PPFIBP1: variants seen among roughly 807,000 people sequenced by gnomAD.
PPFIBP1 encodes the protein PPFIB scaffold protein 1, also known as liprin-beta-1.
A neutral mutation model predicts 137.8 loss-of-function variants in PPFIBP1; 112 were observed. That is an observed-to-expected ratio of 0.81 (90% confidence interval 0.70 to 0.95). The LOEUF (loss-of-function observed/expected upper bound fraction) is 0.95. Ranked by LOEUF, PPFIBP1 falls within the 40% of genes least tolerant of loss-of-function variation. The pLI, the probability that PPFIBP1 is intolerant of heterozygous loss-of-function variation, is 0.00. For missense variants in PPFIBP1, 1,083 were observed against 1,196.6 expected, an observed-to-expected ratio of 0.91 and a Z score of 1.40; for synonymous variants, 378 against 417.3, an observed-to-expected ratio of 0.91 and a Z score of 1.15.
At chr12:27,628,420 C>G (rs1166804487) in intron 2 of PPFIBP1, among the ~76,000 whole-genome samples, 1 of 152,172 alleles carries the variant, frequency 6.6e-6, no homozygotes, top group African/African-American at 2.4e-5. Flanking sequence ...CTCTAGCGAC[C>G]CTCCTGCCTT....
intron 1 of PPFIBP1, among the ~76,000 whole-genome samples, chr12:27,569,873 T>C (rs2049995896): frequency 6.6e-6 from 1 of 152,178 alleles, no homozygotes; most frequent in Admixed American, 6.5e-5. Context: ...TTTTATACAG[T>C]TTCCAAGTTT....
In PPFIBP1 at chr12:27,625,648, A is replaced by G. The variant is rs551248030; in HGVS notation, c.-35-7714A>G. Among the ~76,000 whole-genome samples, 53 of 150,786 alleles carry G rather than the reference A, an allele frequency of 3.5e-4. No homozygotes were observed. In the South Asian group the frequency reaches 0.01, roughly 30 times the overall value. ...CAGGTTGGAGTGCAGTGGCACTCCA[A>G]TCTCAGCCCACTGCAATCTCAGCCT... On this transcript the variant is annotated intron_variant, in intron 2 of 29. Coordinates refer to ENST00000228425, the MANE Select transcript of PPFIBP1 (RefSeq NM_003622.4).
intron 2 of PPFIBP1, among the ~76,000 whole-genome samples, chr12:27,614,001 A>G (rs1180136425): frequency 1.3e-5 from 2 of 152,126 alleles, no homozygotes; most frequent in African/African-American, 4.8e-5. Context: ...TCTAGGACTA[A>G]TCTCTCTTCC....
intron 2 of PPFIBP1, among the ~76,000 whole-genome samples, chr12:27,597,069 GT>G (rs2053398987): frequency 6.6e-6 from 1 of 152,208 alleles, no homozygotes; most frequent in African/African-American, 2.4e-5. Context: ...GGAACCGCAT[GT>G]TCTAAAAGTA....
chr12:27,624,075 G>T (rs1455507632), intron 2 of PPFIBP1, among the ~76,000 whole-genome samples: 1 of 152,114 alleles, frequency 6.6e-6, no homozygotes, highest in Non-Finnish European at 1.5e-5. Context: ...CCAGGACAAA[G>T]AAGAGGGTCC....
chr12:27,617,788 T>C (rs888532402), intron 2 of PPFIBP1, among the ~76,000 whole-genome samples: 1 of 152,216 alleles, frequency 6.6e-6, no homozygotes, highest in Non-Finnish European at 1.5e-5. Flanking sequence ...TGACTATATA[T>C]ATGTATGTAT....
At chr12:27,648,249 G>A (rs1286261431) in intron 6 of PPFIBP1, among the ~76,000 whole-genome samples, 1 of 152,102 alleles carries the variant, frequency 6.6e-6, no homozygotes, top group Non-Finnish European at 1.5e-5. Context: ...ATGAAAAGGT[G>A]CTCAACATCA....
At position 27,693,044 on chromosome 12, in the gene PPFIBP1, T is replaced by C. The variant is rs1188450284; in HGVS notation, c.*162T>C. On this transcript the variant is annotated 3_prime_UTR_variant, in exon 30 of 30. Transcript: ENST00000228425. ...GAAAGCAGGAGTAATGTGCCGATTC[T>C]GAAGTTGCCACAAAAAATAAGACAC... 1.7e-6 allele frequency: 2 copies of C among 1,162,270 alleles called. No homozygotes were observed. The highest frequency in any genetic ancestry group is 2.3e-6 in the Non-Finnish European group (2 of 871,044). 72.0% of individuals were successfully genotyped at this position (1,162,270 alleles called of 1,614,324 possible).
intron 2 of PPFIBP1, among the ~76,000 whole-genome samples, chr12:27,600,595 T>C (rs1434053005): frequency 6.6e-6 from 1 of 152,188 alleles, no homozygotes; most frequent in Non-Finnish European, 1.5e-5. Context: ...AAGCCCCCTT[T>C]TATTTCTTTC....
intron 2 of PPFIBP1, among the ~76,000 whole-genome samples, chr12:27,595,876 AC>A (rs2053172275): frequency 1.4e-4 from 10 of 72,060 alleles, no homozygotes; most frequent in Non-Finnish European, 1.8e-4. Context: ...AACAACAACA[AC>A]AACAACAAAA....
At chr12:27,527,603 G>A (rs1460807599) in intron 1 of PPFIBP1, among the ~76,000 whole-genome samples, 7 of 152,136 alleles carry the variant, frequency 4.6e-5, no homozygotes, top group Non-Finnish European at 1.5e-5. Context: ...TTTTCAAAAC[G>A]ATGAAGGAGT....
At chr12:27,545,349 G>T (rs557668351) in intron 1 of PPFIBP1, among the ~76,000 whole-genome samples, 1 of 152,076 alleles carries the variant, frequency 6.6e-6, no homozygotes, top group Admixed American at 6.5e-5. Context: ...AATCCTGCAC[G>T]TTCTGCACGT....
At chr12:27,685,479 G>GACT (rs2061151091) in intron 24 of PPFIBP1, among the ~76,000 whole-genome samples, 1 of 152,184 alleles carries the variant, frequency 6.6e-6, no homozygotes, top group South Asian at 2.1e-4. Context: ...TCACGATTAT[G>GACT]ACTAGAACAC....
intron 2 of PPFIBP1, among the ~76,000 whole-genome samples, chr12:27,618,816 A>C (rs10842953): frequency 1.3e-5 from 2 of 152,178 alleles, no homozygotes; most frequent in African/African-American, 4.8e-5. Flanking sequence ...ATTTTACAGA[A>C]TCTGCCTCTT....
intron 2 of PPFIBP1, among the ~76,000 whole-genome samples, chr12:27,615,328 CA>C (rs2138320060): frequency 6.6e-6 from 1 of 152,174 alleles, no homozygotes; most frequent in South Asian, 2.1e-4. Context: ...TAGAAGAGAA[CA>C]AACAAAGGGT....
chr12:27,597,102 A>G (rs564144148), intron 2 of PPFIBP1, among the ~76,000 whole-genome samples: 17 of 152,384 alleles, frequency 1.1e-4, no homozygotes, highest in African/African-American at 4.1e-4. Flanking sequence ...TACATATGGT[A>G]TACAGGACTG....
chr12:27,612,929 T>G (rs2055309846), intron 2 of PPFIBP1, among the ~76,000 whole-genome samples: 2 of 1,874 alleles, frequency 1.1e-3, no homozygotes, highest in African/African-American at 1.2e-3. Flanking sequence ...ATAATACACA[T>G]CATCATCATC....
intron 2 of PPFIBP1, chr12:27,593,703 T>G: frequency 1.7e-6 from 1 of 598,288 alleles, no homozygotes; most frequent in South Asian, 2.1e-5. Context: ...TATCCACAGG[T>G]TGGCTCCATT....
At chr12:27,692,702 T>C in intron 29 of PPFIBP1, 46 bp downstream of exon 29, 1 of 1,614,016 alleles carries the variant, frequency 6.2e-7, no homozygotes, top group Non-Finnish European at 8.5e-7. Flanking sequence ...TAAATGTCTT[T>C]TATAACAACC....
Sources: allele counts gnomAD v4.1 joint callset (sites outside exome capture counted in the v4.1 genomes callset), GRCh38; gene constraint gnomAD v4.1.1; transcripts MANE v1.5; gene names NCBI Gene and HGNC (gene_info 2026-07-23, HGNC 2026-07-21).